Variants in LONP2 observed in about 807,000 individuals in gnomAD.
LONP2 encodes lon peptidase 2, peroxisomal.
Under a neutral mutation model 85.6 loss-of-function variants are expected in LONP2, and 60 were observed. The observed-to-expected ratio is 0.70, with a 90% CI of 0.57 to 0.87. The LOEUF is 0.87. Ranked by LOEUF, LONP2 falls within the 40% of genes least tolerant of loss-of-function variation. The probability of loss-of-function intolerance (pLI) is 0.00; values close to 1 mark genes in which losing one functional copy is unlikely to be tolerated. For synonymous variants in LONP2, 395 were observed against 389.7 expected (o/e 1.01, Z -0.16); for missense variants, 860 against 1,063.5 (o/e 0.81, Z 2.66).
chr16:48,293,269 A>C (rs534016812), intron 8 of LONP2, among the ~76,000 whole-genome samples: 1 of 152,252 alleles, frequency 6.6e-6, no homozygotes, highest in South Asian at 2.1e-4. Flanking sequence ...TCTACTAAAA[A>C]TACAAAAAAG....
chr16:48,266,106 C>T (rs925082969), intron 6 of LONP2, among the ~76,000 whole-genome samples: 2 of 152,038 alleles, frequency 1.3e-5, no homozygotes, highest in Non-Finnish European at 2.9e-5. Context: ...CAAGTTCAAG[C>T]GATTCTCCTG....
In LONP2 at chr16:48,314,862, G is replaced by T. The variant is rs75247208; in HGVS notation, c.1795+11557G>T. Among the ~76,000 whole-genome samples, 668 of 152,246 alleles carry T rather than the reference G, an allele frequency of 4.4e-3. 7 individuals carry two copies. Among genetic ancestry groups the T allele is most frequent in the African/African-American group, 0.015 (639 of 41,566 alleles). On this transcript the variant is annotated intron_variant, in intron 11 of 14. Coordinates refer to ENST00000285737, the MANE Select transcript of LONP2 (RefSeq NM_031490.5). The stretch of plus-strand genomic sequence containing the variant: ...TATTGGCCTCCTGTTCAACAAACTT[G>T]CCACATTCACTTATTAATCATAATT...
At chr16:48,348,487 C>CTTTTTTTTTTTTTTTTTTTTTTTTTTTTT (rs34729067) in intron 14 of LONP2, among the ~76,000 whole-genome samples, 197 bp downstream of exon 14, 1 of 112,818 alleles carries the variant, frequency 8.9e-6, no homozygotes, top group Non-Finnish European at 1.7e-5. Flanking sequence ...TCACATTTTC[C>CTTTTTTTTTTTTTTTTTTTTTTTTTTTTT]TTTTTTTTTT....
chr16:48,279,716 A>C (rs183791814), intron 8 of LONP2, among the ~76,000 whole-genome samples: 1,852 of 152,278 alleles, frequency 0.012, 16 homozygotes, highest in Non-Finnish European at 0.018. Flanking sequence ...AGTCCTCCTT[A>C]TTTTAGCACA....
chr16:48,258,852 T>G (rs1461361411), intron 4 of LONP2, 112 bp downstream of exon 4: 1 of 998,646 alleles, frequency 1.0e-6, no homozygotes, highest in Non-Finnish European at 1.4e-6. Flanking sequence ...CTGATAAAAT[T>G]TAGGTGTTTC....
chr16:48,298,995 A>G (rs1972739335), intron 9 of LONP2, among the ~76,000 whole-genome samples: 1 of 151,698 alleles, frequency 6.6e-6, no homozygotes, highest in Non-Finnish European at 1.5e-5. Flanking sequence ...AGCTGAAGCA[A>G]TTCTCGTGCC....
At chr16:48,262,310 G>A (rs997590139) in intron 5 of LONP2, among the ~76,000 whole-genome samples, 4 of 152,086 alleles carry the variant, frequency 2.6e-5, no homozygotes, top group African/African-American at 9.7e-5. Context: ...GCATAGTTAG[G>A]CACTTACATC....
chr16:48,337,670 G>A (rs761523285), intron 12 of LONP2, among the ~76,000 whole-genome samples: 1 of 152,156 alleles, frequency 6.6e-6, no homozygotes, highest in Admixed American at 6.5e-5. Flanking sequence ...CAGGGCGTCT[G>A]TTCTTTGCAC....
At chr16:48,350,446 A>T (rs1383149089) in intron 14 of LONP2, among the ~76,000 whole-genome samples, 2 of 152,156 alleles carry the variant, frequency 1.3e-5, no homozygotes, top group Non-Finnish European at 2.9e-5. Flanking sequence ...CTAGTCTTGT[A>T]TACATGGCCT....
intron 11 of LONP2, among the ~76,000 whole-genome samples, chr16:48,325,249 G>A (rs954010103): frequency 3.3e-5 from 5 of 152,178 alleles, no homozygotes; most frequent in East Asian, 3.9e-4. Context: ...TGCTCAGGCC[G>A]TAATGCTTGC....
chr16:48,289,726 C>G (rs1972520947), intron 8 of LONP2, among the ~76,000 whole-genome samples: 4 of 152,172 alleles, frequency 2.6e-5, no homozygotes, highest in Admixed American at 2.6e-4. Flanking sequence ...TATTTACAAG[C>G]TATTTTTTTC....
In LONP2 at chr16:48,351,339, A is replaced by G. The variant is rs144356993; in HGVS notation, c.2338-242A>G. Among the ~76,000 whole-genome samples, 14 of 152,336 alleles carry G rather than the reference A, an allele frequency of 9.2e-5. No homozygotes were observed. The East Asian group carries it at 2.5e-3, about 27-fold the overall frequency. On this transcript the variant is annotated intron_variant, in intron 14 of 14. Transcript: ENST00000285737. The stretch of plus-strand genomic sequence containing the variant: ...AATCATTGACAGAAGAGGAACTCAT[A>G]CCTATCAACAATTTAGAATCCCCCT...
At chr16:48,318,537 A>C (rs1050099696) in intron 11 of LONP2, among the ~76,000 whole-genome samples, 2 of 152,158 alleles carry the variant, frequency 1.3e-5, no homozygotes, top group African/African-American at 4.8e-5. Context: ...AAAGAAAATA[A>C]AATTCATCAA....
chr16:48,332,695 A>T (rs552930183), intron 11 of LONP2, among the ~76,000 whole-genome samples: 20 of 152,080 alleles, frequency 1.3e-4, no homozygotes, highest in African/African-American at 4.8e-4. Flanking sequence ...TGGGTGACAC[A>T]GCGAGACTCC....
chr16:48,265,370 A>G (rs529570808), intron 6 of LONP2, among the ~76,000 whole-genome samples: 11 of 152,284 alleles, frequency 7.2e-5, no homozygotes, highest in African/African-American at 2.6e-4. Flanking sequence ...TAAGTCTTTA[A>G]TCCATTTTGA....
chr16:48,331,891 A>G (rs552893443), intron 11 of LONP2, among the ~76,000 whole-genome samples: 12 of 152,346 alleles, frequency 7.9e-5, no homozygotes, highest in African/African-American at 2.9e-4. Flanking sequence ...TCTCACAGCA[A>G]TTCTGCAGAG....
At chr16:48,307,210 A>G (rs1442599364) in intron 11 of LONP2, among the ~76,000 whole-genome samples, 2 of 152,204 alleles carry the variant, frequency 1.3e-5, no homozygotes, top group Non-Finnish European at 2.9e-5. Flanking sequence ...GGTTTCAGTC[A>G]CTTACCTATA....
downstream of LONP2, chr16:48,361,290 A>C (rs144652018): frequency 2.4e-3 from 783 of 330,030 alleles, 6 homozygotes; most frequent in Middle Eastern, 0.018. Context: ...ATCTACAACA[A>C]ACACAAAACT....
At chr16:48,262,170 T>A (rs59382226) in intron 5 of LONP2, among the ~76,000 whole-genome samples, 2,081 of 152,320 alleles carry the variant, frequency 0.014, 45 homozygotes, top group African/African-American at 0.047. Flanking sequence ...ACATTTATTA[T>A]GTGCAGAACA....
Sources: gnomAD v4.1 joint callset for allele counts (sites outside exome capture counted in the v4.1 genomes callset) on GRCh38, gnomAD v4.1.1 for gene constraint, MANE v1.5 for transcripts, NCBI Gene and HGNC (gene_info 2026-07-23, HGNC 2026-07-21) for gene names.